The following RABEP1 variants were observed in gnomAD, a reference collection of about 807,000 sequenced individuals.
RABEP1 encodes the protein rabaptin, RAB GTPase binding effector protein 1, also known as rab GTPase-binding effector protein 1.
A neutral mutation model predicts 123.4 loss-of-function variants in RABEP1; 51 were observed. The observed-to-expected ratio is 0.41, with a 90% confidence interval of 0.33 to 0.52. The LOEUF is 0.52. RABEP1 is among the 20% of genes least tolerant of loss of function. The pLI, the probability that RABEP1 is intolerant of heterozygous loss-of-function variation, is 0.16. For missense variants in RABEP1, 888 were observed against 996.3 expected (o/e 0.89, Z 1.46); for synonymous variants, 347 against 355.2 (o/e 0.98, Z 0.26).
chr17:5,328,576 G>A (rs1567525360), intron 2 of RABEP1, among the ~76,000 whole-genome samples: 1 of 150,274 alleles, frequency 6.7e-6, no homozygotes, highest in African/African-American at 2.5e-5. Flanking sequence ...AGCCTGGGAG[G>A]CAGAGATTGC....
chr17:5,345,166 T>C (rs1907968504), intron 5 of RABEP1, among the ~76,000 whole-genome samples: 1 of 151,848 alleles, frequency 6.6e-6, no homozygotes, highest in South Asian at 2.1e-4. Context: ...ATTCACCGAC[T>C]ACTGGTGTAT....
At chr17:5,367,375 G>C (rs566575304) in intron 11 of RABEP1, among the ~76,000 whole-genome samples, 121 of 151,268 alleles carry the variant, frequency 8.0e-4, no homozygotes, top group Non-Finnish European at 1.3e-3. Flanking sequence ...AGGTTCAAGC[G>C]ATTCTCCTGC....
chr17:5,314,052 A>T (rs2075270505), intron 2 of RABEP1, among the ~76,000 whole-genome samples: 1 of 152,172 alleles, frequency 6.6e-6, no homozygotes, highest in Non-Finnish European at 1.5e-5. Flanking sequence ...CAGGAAAACC[A>T]GGTCAAGGTA....
At chr17:5,376,274 T>C (rs1389781656) in intron 13 of RABEP1, among the ~76,000 whole-genome samples, 2 of 152,076 alleles carry the variant, frequency 1.3e-5, no homozygotes, top group African/African-American at 4.8e-5. Context: ...TGAGATATGA[T>C]TATGCCATTG....
chr17:5,295,431 T>C (rs1390738527), intron 1 of RABEP1, among the ~76,000 whole-genome samples: 1 of 151,886 alleles, frequency 6.6e-6, no homozygotes, highest in African/African-American at 2.4e-5. Flanking sequence ...GTAACAATAG[T>C]ATTCTAATGT....
chr17:5,362,634 C>CA (rs1177679973), intron 9 of RABEP1, among the ~76,000 whole-genome samples: 1 of 152,164 alleles, frequency 6.6e-6, no homozygotes, highest in African/African-American at 2.4e-5. Flanking sequence ...CCATGAGTGC[C>CA]ATGGGATAGT....
rs540552154 is a variant in RABEP1, at chr17:5,383,818, G to C, written c.*595G>C. On this transcript the variant is annotated 3_prime_UTR_variant, in exon 18 of 18. Transcript: ENST00000537505. ...TACTGAAACTTACCTGAGAACCATA[G>C]GACTGTGGCAAACAAAACCAATTCA... 3.6e-5 allele frequency: 8 copies of C among 224,404 alleles called. No individual in the cohort carries two copies. The South Asian group carries it at 1.3e-3, about 36-fold the overall frequency. 13.9% of individuals were successfully genotyped at this position (224,404 alleles called of 1,614,324 possible).
chr17:5,325,527 G>A (rs190360170), intron 2 of RABEP1, among the ~76,000 whole-genome samples: 1 of 152,084 alleles, frequency 6.6e-6, no homozygotes, highest in Non-Finnish European at 1.5e-5. Flanking sequence ...AGGGAAAGCG[G>A]GGGTCTGGGG....
intron 9 of RABEP1, chr17:5,361,929 A>T (rs1909584224): frequency 2.4e-6 from 1 of 425,240 alleles, no homozygotes; most frequent in East Asian, 4.0e-5. Flanking sequence ...CACAGCTCTC[A>T]GGTTGGAGCA....
intron 2 of RABEP1, among the ~76,000 whole-genome samples, chr17:5,311,683 G>A (rs1036751541): frequency 3.1e-4 from 34 of 110,930 alleles, no homozygotes; most frequent in Non-Finnish European, 8.3e-5. Flanking sequence ...CTGGGTGACA[G>A]AGCGACTTCA....
intron 1 of RABEP1, among the ~76,000 whole-genome samples, chr17:5,287,026 G>A (rs144968970): frequency 1.3e-3 from 203 of 152,316 alleles, no homozygotes; most frequent in Non-Finnish European, 2.5e-3. Flanking sequence ...CCTTGAGGGC[G>A]GAAGCATGTC....
intron 1 of RABEP1, among the ~76,000 whole-genome samples, chr17:5,296,217 G>T (rs1354934652): frequency 2.0e-5 from 3 of 152,168 alleles, no homozygotes; most frequent in Admixed American, 2.0e-4. Context: ...TCATAAGTGA[G>T]ATTGGCTTGT....
At position 5,318,989 on chromosome 17, in the gene RABEP1, CAG is replaced by C. The variant is rs150835468; in HGVS notation, c.163+10169_163+10170del. Among the ~76,000 whole-genome samples the C allele has an allele frequency of 6.2e-3, 950 of 152,244 alleles. 4 individuals carry two copies. Among genetic ancestry groups the C allele is most frequent in the Middle Eastern group, 0.014 (4 of 292 alleles). ...ATCATTTCACAATGTATAGATGTAT[CAG>C]AATACCACTTTGTACCCAATACATA... On this transcript the variant is annotated intron_variant, in intron 2 of 17. Coordinates refer to ENST00000537505, the MANE Select transcript of RABEP1 (RefSeq NM_004703.6).
chr17:5,367,398 A>C (rs2144693860), intron 11 of RABEP1, among the ~76,000 whole-genome samples: 2 of 151,822 alleles, frequency 1.3e-5, no homozygotes, highest in South Asian at 2.1e-4. Flanking sequence ...CAGCCTCCTG[A>C]GTAGCTGGGA....
rs117234481 is a variant in RABEP1, at chr17:5,355,156, A to G, written c.1095+666A>G. ...TGCAGTCAGGCCACTCCCCTACTCA[A>G]AAACTACCATTGACTCCCATTACCT... On this transcript the variant is annotated intron_variant, in intron 8 of 17. Transcript: ENST00000537505. Among the ~76,000 whole-genome samples the G allele has an allele frequency of 6.9e-3, 1,047 of 152,312 alleles. 28 individuals are homozygous for G. The highest frequency in any genetic ancestry group is 0.052 in the East Asian group (268 of 5,174).
In RABEP1 at chr17:5,303,251, A is replaced by G. The variant is rs182939087; in HGVS notation, c.35-5443A>G. Among the ~76,000 whole-genome samples, 3 of 151,372 alleles carry G rather than the reference A, an allele frequency of 2.0e-5. No individual in the cohort carries two copies. In the South Asian group the frequency reaches 6.3e-4, roughly 32 times the overall value. On this transcript the variant is annotated intron_variant, in intron 1 of 17. Transcript: ENST00000537505. Reference sequence around the variant, plus strand: ...TAATAGTTTTATTTTATTTTATTTTATTTTTTTTGAGATAGGATCTCATTC... The same window carrying G: ...TAATAGTTTTATTTTATTTTATTTTGTTTTTTTTGAGATAGGATCTCATTC...
At position 5,385,680 on chromosome 17, in the gene RABEP1, A is replaced by G. The variant is rs1346063155; in HGVS notation, c.*2457A>G. ...AATACAGCTTGTGAGGAAGTGAGCC[A>G]GCAGTGGCCTTTGCAATTGTGGATC... On this transcript the variant is annotated 3_prime_UTR_variant, in exon 18 of 18. Coordinates refer to ENST00000537505, the MANE Select transcript of RABEP1 (RefSeq NM_004703.6). The G allele has an allele frequency of 4.3e-6, 1 of 231,232 alleles. No individual in the cohort carries two copies. The highest frequency in any genetic ancestry group is 8.5e-6 in the Non-Finnish European group (1 of 116,960). 14.3% of individuals were successfully genotyped at this position (231,232 alleles called of 1,614,324 possible). A position where few individuals can be genotyped will look rare whatever the true frequency, so the allele number is the denominator to read the frequency against.
intron 2 of RABEP1, among the ~76,000 whole-genome samples, chr17:5,310,812 A>AT (rs57691824): frequency 0.14 from 19,651 of 137,172 alleles, 1,380 homozygotes; most frequent in East Asian, 0.18. Context: ...TGTTTCATTC[A>AT]TTTTTTTTTT....
intron 2 of RABEP1, among the ~76,000 whole-genome samples, chr17:5,319,586 C>T (rs766188391): frequency 2.6e-5 from 4 of 152,104 alleles, no homozygotes; most frequent in East Asian, 2.0e-4. Flanking sequence ...ATGCTGGTCT[C>T]GAACTCCTGA....
Sources: gnomAD v4.1 joint callset for allele counts (sites outside exome capture counted in the v4.1 genomes callset) on GRCh38, gnomAD v4.1.1 for gene constraint, MANE v1.5 for transcripts, NCBI Gene and HGNC (gene_info 2026-07-23, HGNC 2026-07-21) for gene names.